GSTCD: variants seen among roughly 807,000 people sequenced by gnomAD.
GSTCD encodes glutathione S-transferase C-terminal domain-containing protein.
GSTCD carries 44 observed loss-of-function variants against 68.3 expected under a neutral mutation model. The observed-to-expected ratio is 0.64, with a 90% CI of 0.51 to 0.83. The LOEUF (loss-of-function observed/expected upper bound fraction) is 0.83, where lower values mean the gene tolerates loss of function less well. Ranked by LOEUF, GSTCD falls within the 40% of genes least tolerant of loss-of-function variation. The pLI, the probability that GSTCD is intolerant of heterozygous loss-of-function variation, is 0.00. For missense variants in GSTCD, 739 were observed against 735.9 expected (o/e 1.00, Z -0.05); for synonymous variants, 273 against 255.2 (o/e 1.07, Z -0.67).
intron 5 of GSTCD, among the ~76,000 whole-genome samples, chr4:105,784,490 C>T (rs899728564): frequency 5.3e-5 from 8 of 152,220 alleles, no homozygotes; most frequent in Non-Finnish European, 1.0e-4. Flanking sequence ...TTAAGCCTTA[C>T]CTTCCAACAA....
At chr4:105,843,288 T>C (rs901634018) in intron 11 of GSTCD, among the ~76,000 whole-genome samples, 1 of 152,200 alleles carries the variant, frequency 6.6e-6, no homozygotes. Flanking sequence ...AAAGAACTCA[T>C]TCTCTCTTGC....
intron 5 of GSTCD, chr4:105,820,712 T>C (rs2149273399): frequency 6.6e-6 from 1 of 152,018 alleles, no homozygotes; most frequent in African/African-American, 2.4e-5. Flanking sequence ...GTGCAGCGTA[T>C]GGTCTCTCAA....
chr4:105,774,619 T>C (rs1390299153), intron 5 of GSTCD, among the ~76,000 whole-genome samples: 1 of 152,220 alleles, frequency 6.6e-6, no homozygotes, highest in African/African-American at 2.4e-5. Flanking sequence ...AAGCTTAGTT[T>C]GGCTGGATAT....
At chr4:105,829,564 A>C (rs1419539897) in intron 8 of GSTCD, among the ~76,000 whole-genome samples, 1 of 152,140 alleles carries the variant, frequency 6.6e-6, no homozygotes, top group Non-Finnish European at 1.5e-5. Flanking sequence ...TGTGCAGGGA[A>C]ACTCCCCTTT....
At chr4:105,817,240 A>G (rs1213098843) in intron 5 of GSTCD, among the ~76,000 whole-genome samples, 1 of 151,916 alleles carries the variant, frequency 6.6e-6, no homozygotes, top group African/African-American at 2.4e-5. Context: ...TATATAGGCC[A>G]AGTTAGTTGT....
At chr4:105,800,755 A>G (rs1736076473) in intron 5 of GSTCD, among the ~76,000 whole-genome samples, 1 of 152,196 alleles carries the variant, frequency 6.6e-6, no homozygotes, top group African/African-American at 2.4e-5. Flanking sequence ...TGAAGTCACT[A>G]CAAACACTGA....
chr4:105,755,244 G>C (rs1243909618), intron 5 of GSTCD, among the ~76,000 whole-genome samples: 1 of 151,116 alleles, frequency 6.6e-6, no homozygotes, highest in Non-Finnish European at 1.5e-5. Context: ...ACCCTGTCAA[G>C]GTAGGAAGGT....
chr4:105,797,151 A>G (rs1735923808), intron 5 of GSTCD, among the ~76,000 whole-genome samples: 1 of 151,814 alleles, frequency 6.6e-6, no homozygotes, highest in Admixed American at 6.6e-5. Context: ...AGACACCAGG[A>G]TTTAATAGTC....
intron 1 of GSTCD, chr4:105,710,712 A>G (rs1019530073): frequency 1.3e-5 from 2 of 152,116 alleles, no homozygotes; most frequent in African/African-American, 4.8e-5. Flanking sequence ...AAAATTCAGT[A>G]ATTTTATTTC....
chr4:105,760,007 C>G (rs528933857), intron 5 of GSTCD, among the ~76,000 whole-genome samples: 18 of 152,076 alleles, frequency 1.2e-4, no homozygotes, highest in Admixed American at 2.0e-4. Flanking sequence ...TAGGCTGGCT[C>G]ACTGGATCTG....
chr4:105,840,200 C>T (rs572631875), intron 10 of GSTCD: 17 of 455,580 alleles, frequency 3.7e-5, no homozygotes, highest in Admixed American at 1.9e-4. Flanking sequence ...CCTGAGATTG[C>T]GATTGCCTTG....
At chr4:105,728,658 C>T (rs115437051) in intron 4 of GSTCD, among the ~76,000 whole-genome samples, 1,499 of 120,000 alleles carry the variant, frequency 0.012, 17 homozygotes, top group Admixed American at 0.038. Flanking sequence ...ATAACAGAGC[C>T]ATGGAGATAT....
intron 3 of GSTCD, among the ~76,000 whole-genome samples, chr4:105,723,892 T>C (rs1322638405): frequency 6.6e-6 from 1 of 151,764 alleles, no homozygotes; most frequent in African/African-American, 2.4e-5. Flanking sequence ...AATGGATTCT[T>C]TATCATTTGT....
chr4:105,719,290 C>T lies in GSTCD; in HGVS notation c.657C>T (p.Ser219=). 2 of 1,614,082 alleles carry T rather than the reference C, an allele frequency of 1.2e-6. No homozygotes were observed. The highest frequency in any genetic ancestry group is 1.7e-6 in the Non-Finnish European group (2 of 1,180,000). The change falls in exon 3 of 12, where the codon AGC becomes AGT. Residue 219 remains serine, a synonymous_variant. Coordinates refer to ENST00000515279, the MANE Select transcript of GSTCD (RefSeq NM_001370181.1). The part of the protein sequence containing the change: ...GPPLTKGKAK[S]KVHTQETSEG... Reference sequence around the variant, plus strand: ...CCCTTACTAAGGGAAAGGCAAAGAGCAAGGTCCACACACAGGAAACATCTG... The same window carrying T: ...CCCTTACTAAGGGAAAGGCAAAGAGTAAGGTCCACACACAGGAAACATCTG...
intron 9 of GSTCD, among the ~76,000 whole-genome samples, chr4:105,835,124 T>C (rs1724059753): frequency 6.6e-6 from 1 of 152,234 alleles, no homozygotes; most frequent in African/African-American, 2.4e-5. Flanking sequence ...CAAGAATAAG[T>C]ATTCAATAAA....
chr4:105,831,504 G>A (rs1025679027), intron 8 of GSTCD, among the ~76,000 whole-genome samples: 2 of 152,044 alleles, frequency 1.3e-5, no homozygotes, highest in African/African-American at 4.8e-5. Context: ...TTAAATCTTG[G>A]CTCTTTGTTA....
intron 5 of GSTCD, among the ~76,000 whole-genome samples, chr4:105,787,526 A>G (rs887589929): frequency 6.6e-6 from 1 of 152,076 alleles, no homozygotes; most frequent in Non-Finnish European, 1.5e-5. Context: ...AAGGATCATC[A>G]CTTTTTGAGT....
rs1451183008 is a variant in GSTCD at position 105,846,118 on chromosome 4, C to A, written c.*541C>A. Reference sequence around the variant, plus strand: ...TTGAACTTGTATAGCATTTAATATACTCCTTTTAAATATATTTCTGCCAGG... The same window carrying A: ...TTGAACTTGTATAGCATTTAATATAATCCTTTTAAATATATTTCTGCCAGG... On this transcript the variant is annotated 3_prime_UTR_variant, in exon 12 of 12. Transcript: ENST00000515279. The A allele has an allele frequency of 6.5e-6, 1 of 152,840 alleles. No individual in the cohort carries two copies. The highest frequency in any genetic ancestry group is 1.5e-5 in the Non-Finnish European group (1 of 68,606). The allele number at this position is 152,840 out of a possible 1,614,324, so 9.5% of individuals were successfully genotyped here. A position where few individuals can be genotyped will look rare whatever the true frequency, so the allele number is the denominator to read the frequency against.
At chr4:105,804,954 C>G (rs1560837900) in intron 5 of GSTCD, among the ~76,000 whole-genome samples, 3 of 152,108 alleles carry the variant, frequency 2.0e-5, no homozygotes, top group South Asian at 2.1e-4. Context: ...CATCCATGTC[C>G]CTGCAAAGGA....
Sources: allele counts gnomAD v4.1 joint callset (sites outside exome capture counted in the v4.1 genomes callset), GRCh38; gene constraint gnomAD v4.1.1; transcripts MANE v1.5; gene names NCBI Gene and HGNC (gene_info 2026-07-23, HGNC 2026-07-21).